Variants in RFT1 observed in about 807,000 individuals in gnomAD.
The protein encoded by RFT1 is man(5)GlcNAc(2)-PP-dolichol translocation protein RFT1.
RFT1 carries 43 observed loss-of-function variants against 62.2 expected under a neutral mutation model. That is an observed-to-expected ratio of 0.69 (90% CI 0.54 to 0.89). The LOEUF (loss-of-function observed/expected upper bound fraction) is 0.89, where lower values mean the gene tolerates loss of function less well. Among genes scored for constraint, RFT1 ranks in the 40% least tolerant of loss-of-function variants. RFT1 has a pLI of 0.00. For synonymous variants in RFT1, 262 were observed against 264.6 expected (o/e 0.99, Z 0.10); for missense variants, 605 against 649.9 (o/e 0.93, Z 0.75).
rs570486629 is a variant in RFT1, at chr3:53,092,874, CA to C, written c.1209-257del. ...AGTTAGTTAAGCGATACTTTGTGATCAAAACATAAAAACCCTGTTCAGCCCA... is the reference window on the plus strand; with the variant it reads ...AGTTAGTTAAGCGATACTTTGTGATCAAACATAAAAACCCTGTTCAGCCCA... On this transcript the variant is annotated intron_variant, in intron 11 of 12. Transcript: ENST00000296292. Among the ~76,000 whole-genome samples, 9 of 152,252 alleles carry C rather than the reference CA, an allele frequency of 5.9e-5. No homozygotes were observed. The South Asian group carries it at 1.9e-3, about 32-fold the overall frequency.
chr3:53,130,313 C>T, intron 1 of RFT1, 25 bp downstream of exon 1: 2 of 1,559,526 alleles, frequency 1.3e-6, no homozygotes, highest in Non-Finnish European at 1.7e-6. Flanking sequence ...GCAGTACAAG[C>T]TGGAACCTGA....
chr3:53,095,765 T>G (rs1701122508), intron 11 of RFT1, among the ~76,000 whole-genome samples: 1 of 149,524 alleles, frequency 6.7e-6, no homozygotes. Flanking sequence ...GGATATCAAC[T>G]GTAGCACCAC....
chr3:53,089,562 G>A lies in RFT1; in HGVS notation c.*2341C>T, dbSNP rs1559577068. On this transcript the variant is annotated 3_prime_UTR_variant, in exon 13 of 13. Coordinates refer to ENST00000296292, the MANE Select transcript of RFT1 (RefSeq NM_052859.4). ...AGCTGTGGCTCTAGGGGGTCCAGCA[G>A]GGGAAATGCCAGAGGCCTGGTCAGG... is the stretch of plus-strand genomic sequence containing the variant. The A allele has an allele frequency of 6.6e-6, 1 of 152,276 alleles. No individual in the cohort carries two copies. Among genetic ancestry groups the A allele is most frequent in the Non-Finnish European group, 1.5e-5 (1 of 68,102 alleles). The allele number at this position is 152,276 out of a possible 1,614,324, so 9.4% of individuals were successfully genotyped here. A position where few individuals can be genotyped will look rare whatever the true frequency, so the allele number is the denominator to read the frequency against.
At chr3:53,068,002 G>C in the RFT1 span, among the ~76,000 whole-genome samples, 6 of 152,270 alleles carry the variant, frequency 3.9e-5, no homozygotes, top group Admixed American at 2.6e-4. Context: ...CCCTCAAGTG[G>C]GCTGGACCAC....
intron 1 of RFT1, among the ~76,000 whole-genome samples, chr3:53,130,026 C>T (rs1429932358): frequency 6.6e-6 from 1 of 152,206 alleles, no homozygotes; most frequent in Non-Finnish European, 1.5e-5. Flanking sequence ...GATTCTCGAG[C>T]ACGAAATACC....
At chr3:53,075,138 G>A in the RFT1 span, among the ~76,000 whole-genome samples, 5 of 152,172 alleles carry the variant, frequency 3.3e-5, no homozygotes, top group Admixed American at 3.3e-4. Flanking sequence ...AGAGACAGAG[G>A]CTCAGCTCCA....
At chr3:53,096,700 C>A (rs1701151090) in intron 11 of RFT1, among the ~76,000 whole-genome samples, 1 of 152,040 alleles carries the variant, frequency 6.6e-6, no homozygotes, top group South Asian at 2.1e-4. Context: ...AAGCAACCTG[C>A]AATTCAAAGG....
chr3:53,102,666 C>A (rs1490997039), intron 10 of RFT1, among the ~76,000 whole-genome samples: 1 of 152,264 alleles, frequency 6.6e-6, no homozygotes, highest in Admixed American at 6.5e-5. Context: ...CACACCCCTA[C>A]ACAAAAGCCT....
In RFT1 at chr3:53,099,291, G is replaced by A. The variant is rs986625256; in HGVS notation, c.1208+90C>T. ...GCCTCTAAAACAGCCATCTGTAAATGCATGTTCAGAACGAAAAGCAAAAAG... is the reference window on the plus strand; with the variant it reads ...GCCTCTAAAACAGCCATCTGTAAATACATGTTCAGAACGAAAAGCAAAAAG... On this transcript the variant is annotated intron_variant, in intron 11 of 12. Transcript: ENST00000296292. 4 of 1,028,552 alleles carry A rather than the reference G, an allele frequency of 3.9e-6. No individual in the cohort carries two copies. The African/African-American group carries it at 6.3e-5, about 16-fold the overall frequency. 63.7% of individuals were successfully genotyped at this position (1,028,552 alleles called of 1,614,324 possible).
chr3:53,076,630 T>C, the RFT1 span, among the ~76,000 whole-genome samples: 1 of 152,130 alleles, frequency 6.6e-6, no homozygotes, highest in Non-Finnish European at 1.5e-5. Context: ...GGCTATCAGC[T>C]CATTTTCCAT....
chr3:53,098,104 C>T (rs1312111117), intron 11 of RFT1, among the ~76,000 whole-genome samples: 1 of 152,210 alleles, frequency 6.6e-6, no homozygotes, highest in Non-Finnish European at 1.5e-5. Context: ...CAGTCACACA[C>T]ACCTAAGTGC....
chr3:53,119,792 GATT>G, intron 6 of RFT1, 89 bp downstream of exon 6: 1 of 1,189,218 alleles, frequency 8.4e-7, no homozygotes, highest in South Asian at 1.4e-5. Context: ...TTCTATTTAT[GATT>G]ATAACAATAA....
chr3:53,118,930 C>T (rs1185105728), intron 6 of RFT1, among the ~76,000 whole-genome samples: 1 of 152,124 alleles, frequency 6.6e-6, no homozygotes, highest in Non-Finnish European at 1.5e-5. Context: ...AAGGAGACCA[C>T]GTGAGGCCGG....
intron 6 of RFT1, among the ~76,000 whole-genome samples, chr3:53,117,518 G>A (rs527901102): frequency 2.0e-5 from 3 of 152,148 alleles, no homozygotes; most frequent in Non-Finnish European, 4.4e-5. Flanking sequence ...GTATGTCAGC[G>A]GGAACAGTAT....
At chr3:53,102,812 A>C (rs1263409068) in intron 10 of RFT1, among the ~76,000 whole-genome samples, 1 of 152,192 alleles carries the variant, frequency 6.6e-6, no homozygotes, top group Non-Finnish European at 1.5e-5. Flanking sequence ...TTCAAAACTA[A>C]GATGATGGGC....
intron 9 of RFT1, among the ~76,000 whole-genome samples, chr3:53,105,425 C>CAG (rs199889752): frequency 1.4e-5 from 2 of 143,162 alleles, no homozygotes; most frequent in East Asian, 4.0e-4. Context: ...GCCCCCCCCC[C>CAG]CAAAAAGAGT....
chr3:53,073,750 T>G, the RFT1 span, among the ~76,000 whole-genome samples: 1 of 152,086 alleles, frequency 6.6e-6, no homozygotes, highest in Non-Finnish European at 1.5e-5. Context: ...CTGAGCCCTC[T>G]GGAGAGCAGA....
chr3:53,069,287 G>A, the RFT1 span, among the ~76,000 whole-genome samples: 2 of 152,168 alleles, frequency 1.3e-5, no homozygotes, highest in African/African-American at 4.8e-5. Context: ...AGTGTTGTGG[G>A]CATGTTTAAG....
At chr3:53,081,587 G>A in the RFT1 span, among the ~76,000 whole-genome samples, 1 of 152,142 alleles carries the variant, frequency 6.6e-6, no homozygotes, top group Admixed American at 6.5e-5. Context: ...GGAAACTGAG[G>A]CACAGAGAGG....
Sources: allele counts gnomAD v4.1 joint callset (sites outside exome capture counted in the v4.1 genomes callset), GRCh38; gene constraint gnomAD v4.1.1; transcripts MANE v1.5; gene names NCBI Gene and HGNC (gene_info 2026-07-23, HGNC 2026-07-21).